The following CEMIP variants were observed in gnomAD, a reference collection of about 807,000 sequenced individuals.
The protein encoded by CEMIP is cell migration-inducing and hyaluronan-binding protein.
In CEMIP, 105 loss-of-function variants were observed where a neutral mutation model predicts 156.9. That is an observed-to-expected ratio of 0.67 (90% CI 0.57 to 0.79). The LOEUF (loss-of-function observed/expected upper bound fraction) is 0.79. Ranked by LOEUF, CEMIP falls within the 30% of genes least tolerant of loss-of-function variation. CEMIP has a pLI of 0.00. For missense variants in CEMIP, 1,457 were observed against 1,769.4 expected, an observed-to-expected ratio of 0.82 and a Z score of 3.17; for synonymous variants, 676 against 668.4, an observed-to-expected ratio of 1.01 and a Z score of -0.17.
chr15:80,812,766 A>G (rs894788253), intron 1 of CEMIP, among the ~76,000 whole-genome samples: 3 of 152,232 alleles, frequency 2.0e-5, no homozygotes, highest in Non-Finnish European at 2.9e-5. Flanking sequence ...GCAGCAGGAA[A>G]GCAAATCATT....
intron 13 of CEMIP, among the ~76,000 whole-genome samples, chr15:80,908,682 G>C (rs1208668313): frequency 1.3e-5 from 2 of 152,146 alleles, no homozygotes; most frequent in Non-Finnish European, 2.9e-5. Flanking sequence ...GGCTCTTGCT[G>C]CTCCATACTT....
chr15:80,868,896 C>T (rs112591068), intron 1 of CEMIP, among the ~76,000 whole-genome samples: 4,483 of 152,274 alleles, frequency 0.029, 220 homozygotes, highest in African/African-American at 0.1. Flanking sequence ...ACCTGTGAGC[C>T]TCAGAAAAGC....
At chr15:80,939,755 A>G (rs904005749) in intron 25 of CEMIP, among the ~76,000 whole-genome samples, 2 of 152,174 alleles carry the variant, frequency 1.3e-5, no homozygotes, top group African/African-American at 4.8e-5. Flanking sequence ...TCTGTTTCCT[A>G]TGGAGAAGGG....
At chr15:80,817,415 C>T (rs903415676) in intron 1 of CEMIP, among the ~76,000 whole-genome samples, 2 of 151,844 alleles carry the variant, frequency 1.3e-5, no homozygotes, top group Admixed American at 1.3e-4. Flanking sequence ...AGCAACACGG[C>T]AAAACCCCAT....
chr15:80,798,679 A>G (rs967387236), intron 1 of CEMIP, among the ~76,000 whole-genome samples: 1 of 152,210 alleles, frequency 6.6e-6, no homozygotes, highest in African/African-American at 2.4e-5. Flanking sequence ...TATTCATATC[A>G]TATACCTATT....
intron 1 of CEMIP, among the ~76,000 whole-genome samples, chr15:80,862,960 C>G (rs1898024530): frequency 6.6e-6 from 1 of 152,194 alleles, no homozygotes; most frequent in Admixed American, 6.5e-5. Flanking sequence ...GTGGGCAGCA[C>G]CCTCTCCAGA....
At chr15:80,912,873 G>C (rs1424027380) in intron 14 of CEMIP, among the ~76,000 whole-genome samples, 1 of 152,118 alleles carries the variant, frequency 6.6e-6, no homozygotes, top group Non-Finnish European at 1.5e-5. Context: ...TTAGCTGATG[G>C]GACAAAAAGA....
chr15:80,805,520 C>G (rs1489433838), intron 1 of CEMIP, among the ~76,000 whole-genome samples: 2 of 152,138 alleles, frequency 1.3e-5, no homozygotes, highest in Non-Finnish European at 2.9e-5. Context: ...TTAGGAAGCT[C>G]AGGAGTAGTG....
intron 1 of CEMIP, among the ~76,000 whole-genome samples, chr15:80,842,600 C>T (rs537075394): frequency 1.6e-4 from 24 of 152,196 alleles, no homozygotes; most frequent in African/African-American, 5.5e-4. Flanking sequence ...GGCGTGGTGG[C>T]AGGCATCTGT....
chr15:80,826,918 C>A (rs926664660), intron 1 of CEMIP, among the ~76,000 whole-genome samples: 12 of 152,158 alleles, frequency 7.9e-5, no homozygotes, highest in Admixed American at 7.2e-4. Flanking sequence ...CTCATTTAAT[C>A]CTCTTAATAA....
intron 14 of CEMIP, among the ~76,000 whole-genome samples, chr15:80,910,382 C>T (rs1900005044): frequency 6.6e-6 from 1 of 152,224 alleles, no homozygotes; most frequent in Non-Finnish European, 1.5e-5. Context: ...GCCGGTGCCA[C>T]TCCTTTCATT....
At chr15:80,786,523 G>A (rs942008049) in intron 1 of CEMIP, among the ~76,000 whole-genome samples, 5 of 148,776 alleles carry the variant, frequency 3.4e-5, no homozygotes, top group African/African-American at 1.3e-4. Context: ...ATTGCACCCA[G>A]CCTGCTATGT....
intron 29 of CEMIP, chr15:80,948,379 G>A (rs908003535): frequency 3.1e-6 from 1 of 318,570 alleles, no homozygotes; most frequent in Admixed American, 4.0e-5. Flanking sequence ...GATAGAGTGG[G>A]GAAGGAGATC....
chr15:80,945,184 G>A (rs547783977), intron 28 of CEMIP, among the ~76,000 whole-genome samples: 1 of 152,332 alleles, frequency 6.6e-6, no homozygotes, highest in South Asian at 2.1e-4. Context: ...CCACTCTGTG[G>A]GAGACTGTGC....
chr15:80,921,116 T>C lies in CEMIP; in HGVS notation c.2073+15T>C, dbSNP rs908417959. 2 of 1,612,412 alleles carry C rather than the reference T, an allele frequency of 1.2e-6. No homozygotes were observed. ...CAGGATCTGAGGTGAGCAGAAATAT[T>C]CCTTCTTTGGCAGAAAGTGAGGGTG... On this transcript the variant is annotated intron_variant, in intron 16 of 29. Transcript: ENST00000394685.
intron 1 of CEMIP, among the ~76,000 whole-genome samples, chr15:80,867,685 C>T (rs1404752394): frequency 1.3e-5 from 2 of 152,192 alleles, no homozygotes; most frequent in Non-Finnish European, 2.9e-5. Flanking sequence ...CTGGAAGTTC[C>T]CCAGGCTTGG....
intron 1 of CEMIP, among the ~76,000 whole-genome samples, chr15:80,830,392 T>G (rs1048636323): frequency 5.9e-5 from 9 of 152,338 alleles, no homozygotes; most frequent in African/African-American, 2.2e-4. Context: ...AGTGTCAGAC[T>G]GAGCCCAGGA....
At chr15:80,886,319 G>A (rs1439283878) in intron 7 of CEMIP, among the ~76,000 whole-genome samples, 1 of 152,122 alleles carries the variant, frequency 6.6e-6, no homozygotes, top group Non-Finnish European at 1.5e-5. Context: ...GGCTGGAGGG[G>A]GGCGGGGGCA....
rs190359464 is a variant in CEMIP, at chr15:80,933,069, G to A, written c.2794-176G>A. Among the ~76,000 whole-genome samples the A allele has an allele frequency of 3.7e-4, 57 of 152,302 alleles. 1 individual carries two copies. Among genetic ancestry groups the A allele is most frequent in the Admixed American group, 3.1e-3 (47 of 15,312 alleles). On this transcript the variant is annotated intron_variant, in intron 22 of 29. Transcript: ENST00000394685. ...GTTGAGGCACAGTGAACCTTTGACT[G>A]TGACTCCGGTTGCATCGGAGGGGTC...
Sources: allele counts gnomAD v4.1 joint callset (sites outside exome capture counted in the v4.1 genomes callset), GRCh38; gene constraint gnomAD v4.1.1; transcripts MANE v1.5; gene names NCBI Gene and HGNC (gene_info 2026-07-23, HGNC 2026-07-21).